Variants in DLGAP1 observed in about 807,000 individuals in gnomAD.
DLGAP1 encodes the protein disks large-associated protein 1.
Under a neutral mutation model 90.8 loss-of-function variants are expected in DLGAP1, and 11 were observed. That is an observed-to-expected ratio of 0.12 (90% CI 0.08 to 0.20). The LOEUF (loss-of-function observed/expected upper bound fraction) is 0.20, where lower values mean the gene tolerates loss of function less well. Ranked by LOEUF, DLGAP1 falls within the 10% of genes least tolerant of loss-of-function variation. DLGAP1 has a pLI of 1.00. For missense variants in DLGAP1, 1,050 were observed against 1,333.8 expected (o/e 0.79, Z 3.31); for synonymous variants, 558 against 540.7 (o/e 1.03, Z -0.44).
chr18:3,825,867 A>G (rs185589616), intron 4 of DLGAP1, among the ~76,000 whole-genome samples: 2 of 152,310 alleles, frequency 1.3e-5, no homozygotes, highest in East Asian at 3.9e-4. Flanking sequence ...AAGTCATGGA[A>G]TCAACCTAGG....
chr18:4,089,340 A>G (rs1411134648), intron 2 of DLGAP1, among the ~76,000 whole-genome samples: 1 of 152,252 alleles, frequency 6.6e-6, no homozygotes, highest in African/African-American at 2.4e-5. Context: ...ATGCTCATGG[A>G]TAGGAAGAAT....
intron 1 of DLGAP1, among the ~76,000 whole-genome samples, chr18:4,424,307 T>A (rs2083105472): frequency 6.6e-6 from 1 of 152,188 alleles, no homozygotes; most frequent in South Asian, 2.1e-4. Flanking sequence ...CTTTTCTCCT[T>A]TTTAGTTTAC....
At position 3,872,715 on chromosome 18, in the gene DLGAP1, A is replaced by G. The variant is rs2070828225; in HGVS notation, c.957+6397T>C. Among the ~76,000 whole-genome samples, 3 of 152,212 alleles carry G rather than the reference A, an allele frequency of 2.0e-5. No individual in the cohort carries two copies. The South Asian group carries it at 6.2e-4, about 32-fold the overall frequency. ...CTGTGTAAAATTGTGTAATGCCATG[A>G]TCTCATGTGGGCTAGAGACTGTGGG... On this transcript the variant is annotated intron_variant, in intron 4 of 12. Transcript: ENST00000315677.
intron 1 of DLGAP1, among the ~76,000 whole-genome samples, chr18:4,162,919 T>TAA (rs10558980): frequency 7.9e-6 from 1 of 126,162 alleles, no homozygotes; most frequent in African/African-American, 4.7e-5. Context: ...AGTTTTTTTT[T>TAA]AAAAAAAAAC....
At chr18:3,518,706 A>G (rs771722205) in intron 10 of DLGAP1, among the ~76,000 whole-genome samples, 6 of 152,204 alleles carry the variant, frequency 3.9e-5, no homozygotes, top group Non-Finnish European at 5.9e-5. Flanking sequence ...TGGCCATAAT[A>G]TCATCTCCAT....
intron 7 of DLGAP1, among the ~76,000 whole-genome samples, chr18:3,639,921 A>T (rs1316446208): frequency 1.4e-5 from 2 of 147,954 alleles, no homozygotes; most frequent in East Asian, 3.9e-4. Flanking sequence ...CACCCGGCTA[A>T]TTTTTTGTAT....
chr18:3,688,123 C>T (rs2060765242), intron 7 of DLGAP1, among the ~76,000 whole-genome samples: 1 of 152,078 alleles, frequency 6.6e-6, no homozygotes, highest in Non-Finnish European at 1.5e-5. Flanking sequence ...GTTGGCCAGG[C>T]TGGTCTTGAA....
chr18:3,632,017 C>G (rs906216559), intron 7 of DLGAP1, among the ~76,000 whole-genome samples: 3 of 152,056 alleles, frequency 2.0e-5, no homozygotes, highest in African/African-American at 7.2e-5. Context: ...TCAAGTGATC[C>G]TCCCACCTCG....
At chr18:3,741,042 C>CA (rs1491510326) in intron 6 of DLGAP1, among the ~76,000 whole-genome samples, 30 of 66,300 alleles carry the variant, frequency 4.5e-4, no homozygotes, top group Admixed American at 6.7e-4. Flanking sequence ...CCACCATCAC[C>CA]TCACCACCAC....
chr18:4,058,436 T>C (rs1264066232), intron 2 of DLGAP1, among the ~76,000 whole-genome samples: 1 of 152,244 alleles, frequency 6.6e-6, no homozygotes, highest in African/African-American at 2.4e-5. Context: ...GTTCCTGCTA[T>C]GCCCCAGGGC....
intron 3 of DLGAP1, among the ~76,000 whole-genome samples, chr18:3,955,057 T>C (rs2073057867): frequency 6.6e-6 from 1 of 152,022 alleles, no homozygotes; most frequent in Non-Finnish European, 1.5e-5. Context: ...TGTGAAGAAA[T>C]TACTCCAGGC....
chr18:4,373,060 A>G (rs935302343), intron 1 of DLGAP1, among the ~76,000 whole-genome samples: 1 of 152,206 alleles, frequency 6.6e-6, no homozygotes, highest in Non-Finnish European at 1.5e-5. Context: ...CAAAGCTCCT[A>G]GAGTCAGCTT....
intron 2 of DLGAP1, among the ~76,000 whole-genome samples, chr18:4,120,599 C>G (rs2076136762): frequency 6.6e-6 from 1 of 152,170 alleles, no homozygotes; most frequent in South Asian, 2.1e-4. Context: ...GACAAGAGAA[C>G]AGATCAAAAT....
At chr18:4,047,922 A>C (rs2075078142) in intron 2 of DLGAP1, among the ~76,000 whole-genome samples, 1 of 152,136 alleles carries the variant, frequency 6.6e-6, no homozygotes. Flanking sequence ...CAACCTCCCA[A>C]GTAGCTGGGG....
chr18:4,325,831 C>A (rs2143660805), intron 1 of DLGAP1, among the ~76,000 whole-genome samples: 1 of 152,112 alleles, frequency 6.6e-6, no homozygotes, highest in South Asian at 2.1e-4. Context: ...GAAACTGAAC[C>A]CCTACCTTAC....
intron 5 of DLGAP1, among the ~76,000 whole-genome samples, chr18:3,806,325 C>T (rs944583896): frequency 1.2e-4 from 18 of 152,176 alleles, no homozygotes; most frequent in Admixed American, 4.6e-4. Context: ...TCAATTTTAA[C>T]ACCGCCAGCC....
intron 9 of DLGAP1, among the ~76,000 whole-genome samples, chr18:3,541,093 G>A (rs1441828369): frequency 6.6e-6 from 1 of 152,190 alleles, no homozygotes; most frequent in African/African-American, 2.4e-5. Context: ...CTACTGACCC[G>A]AGGTAACTAA....
intron 2 of DLGAP1, among the ~76,000 whole-genome samples, chr18:4,103,063 TG>T (rs1360557015): frequency 1.3e-5 from 2 of 152,212 alleles, no homozygotes; most frequent in Non-Finnish European, 2.9e-5. Flanking sequence ...CTGCTTCTTC[TG>T]GGGCTAACAG....
rs1409786864 is a variant in DLGAP1 at position 3,741,343 on chromosome 18, CACCACCACCACCACA to C, written c.1350+977_1350+991del. On this transcript the variant is annotated intron_variant, in intron 6 of 12. Transcript: ENST00000315677. ...CCACCACCACCATCACCACCACCAC[CACCACCACCACCACA>C]TCACCATCACCACCACCATCACCAT... Among the ~76,000 whole-genome samples the C allele has an allele frequency of 4.4e-3, 640 of 146,862 alleles. 13 individuals are homozygous for C. Among genetic ancestry groups the C allele is most frequent in the African/African-American group, 0.015 (597 of 38,666 alleles).
Sources: allele counts gnomAD v4.1 joint callset (sites outside exome capture counted in the v4.1 genomes callset), GRCh38; gene constraint gnomAD v4.1.1; transcripts MANE v1.5; gene names NCBI Gene and HGNC (gene_info 2026-07-23, HGNC 2026-07-21).